The following SSH2 variants were observed in gnomAD, a reference collection of about 807,000 sequenced individuals.
SSH2 encodes the protein protein phosphatase Slingshot homolog 2.
SSH2 carries 37 observed loss-of-function variants against 135.2 expected under a neutral mutation model. The observed-to-expected ratio is 0.27, with a 90% CI of 0.21 to 0.36. The LOEUF (loss-of-function observed/expected upper bound fraction) is 0.36, where lower values mean the gene tolerates loss of function less well. Among genes scored for constraint, SSH2 ranks in the 10% least tolerant of loss-of-function variants. The probability of loss-of-function intolerance (pLI) is 1.00; values close to 1 mark genes in which losing one functional copy is unlikely to be tolerated. For synonymous variants in SSH2, 628 were observed against 646.2 expected (o/e 0.97, Z 0.43); for missense variants, 1,408 against 1,765.3 (o/e 0.80, Z 3.63).
chr17:29,760,735 A>C (rs2041263948), intron 3 of SSH2, among the ~76,000 whole-genome samples: 1 of 151,960 alleles, frequency 6.6e-6, no homozygotes. Flanking sequence ...TTAAAAAAAA[A>C]AAACCCATAA....
chr17:29,653,874 TACTATG>T (rs1365554576), intron 12 of SSH2, among the ~76,000 whole-genome samples: 1 of 152,140 alleles, frequency 6.6e-6, no homozygotes, highest in African/African-American at 2.4e-5. Flanking sequence ...AGGCGTGAGC[TACTATG>T]CCTGGCCAGA....
chr17:29,651,312 TA>T (rs2036569027), intron 12 of SSH2, among the ~76,000 whole-genome samples: 1 of 152,220 alleles, frequency 6.6e-6, no homozygotes, highest in Non-Finnish European at 1.5e-5. Context: ...TTTGTGCAAT[TA>T]CTCTCTCTAA....
intron 1 of SSH2, among the ~76,000 whole-genome samples, chr17:29,853,115 C>T (rs1404749322): frequency 7.0e-6 from 1 of 143,772 alleles, no homozygotes; most frequent in Admixed American, 7.0e-5. Flanking sequence ...TCCAGAGTCT[C>T]ACTCTCTGTT....
chr17:29,764,059 C>T (rs749078112), intron 3 of SSH2, among the ~76,000 whole-genome samples: 38 of 151,638 alleles, frequency 2.5e-4, no homozygotes, highest in Non-Finnish European at 5.0e-4. Context: ...AAGTGATTCT[C>T]GTGCCTCGGC....
chr17:29,752,328 A>T (rs2040970766), intron 3 of SSH2, among the ~76,000 whole-genome samples: 1 of 152,202 alleles, frequency 6.6e-6, no homozygotes, highest in African/African-American at 2.4e-5. Context: ...CTGGCATATG[A>T]ACAGAAAAAC....
At chr17:29,854,967 A>C (rs2065635863) in intron 1 of SSH2, among the ~76,000 whole-genome samples, 1 of 151,776 alleles carries the variant, frequency 6.6e-6, no homozygotes, top group African/African-American at 2.4e-5. Flanking sequence ...AAACAAACAA[A>C]CAACGAATAA....
chr17:29,902,189 TA>T (rs2066570443), intron 1 of SSH2, among the ~76,000 whole-genome samples: 2 of 152,198 alleles, frequency 1.3e-5, no homozygotes, highest in Non-Finnish European at 1.5e-5. Flanking sequence ...ACATGAAACT[TA>T]AAAATTAGTT....
chr17:29,705,336 TATG>T (rs1284963487), intron 3 of SSH2, among the ~76,000 whole-genome samples: 1 of 152,190 alleles, frequency 6.6e-6, no homozygotes, highest in African/African-American at 2.4e-5. Flanking sequence ...AGGGAATAAC[TATG>T]ATAAGTAAGC....
intron 5 of SSH2, among the ~76,000 whole-genome samples, chr17:29,692,990 T>C (rs1432231307): frequency 1.3e-5 from 2 of 152,224 alleles, no homozygotes; most frequent in Admixed American, 1.3e-4. Context: ...TTAGAGGGTC[T>C]TGCACTGTTG....
intron 1 of SSH2, among the ~76,000 whole-genome samples, chr17:29,881,570 T>G (rs1342167935): frequency 6.6e-6 from 1 of 152,052 alleles, no homozygotes; most frequent in South Asian, 2.1e-4. Context: ...GGCACAATCT[T>G]GGCTCACTGC....
chr17:29,743,088 C>T (rs148183398), intron 3 of SSH2, among the ~76,000 whole-genome samples: 70 of 152,148 alleles, frequency 4.6e-4, no homozygotes, highest in Middle Eastern at 3.4e-3. Context: ...TGTCCCACCA[C>T]GCTGAACTAA....
chr17:29,819,729 A>C (rs995212515), intron 2 of SSH2, among the ~76,000 whole-genome samples: 3 of 152,198 alleles, frequency 2.0e-5, no homozygotes, highest in South Asian at 2.1e-4. Flanking sequence ...GATAATTTCC[A>C]ATTTTCCTAT....
intron 3 of SSH2, among the ~76,000 whole-genome samples, chr17:29,764,804 A>G (rs2041406183): frequency 6.6e-6 from 1 of 152,206 alleles, no homozygotes; most frequent in Non-Finnish European, 1.5e-5. Context: ...TTAAGTAGAA[A>G]ATGCTTAAGG....
intron 15 of SSH2, among the ~76,000 whole-genome samples, chr17:29,633,688 T>C (rs2035782076): frequency 6.6e-6 from 1 of 152,182 alleles, no homozygotes; most frequent in Non-Finnish European, 1.5e-5. Flanking sequence ...TTACCAGCTA[T>C]AAATTCCCAG....
chr17:29,667,334 T>C, intron 9 of SSH2, 111 bp from the exon 10 acceptor site: 3 of 850,448 alleles, frequency 3.5e-6, no homozygotes, highest in East Asian at 2.7e-5. Context: ...GCAAATCCTT[T>C]TCCAAAATCG....
chr17:29,648,965 C>T (rs1457419069), intron 13 of SSH2, among the ~76,000 whole-genome samples: 1 of 152,114 alleles, frequency 6.6e-6, no homozygotes. Flanking sequence ...ATGGTGAAAC[C>T]CTGTCTCTAC....
intron 11 of SSH2, among the ~76,000 whole-genome samples, chr17:29,664,420 T>G (rs945979950): frequency 6.6e-6 from 1 of 151,362 alleles, no homozygotes; most frequent in Non-Finnish European, 1.5e-5. Flanking sequence ...TAATAAAAGA[T>G]GATGGTGATT....
chr17:29,760,370 C>A (rs1308211388), intron 3 of SSH2, among the ~76,000 whole-genome samples: 1 of 152,116 alleles, frequency 6.6e-6, no homozygotes, highest in Non-Finnish European at 1.5e-5. Flanking sequence ...ATCTAAGTAA[C>A]CTTAAACCAC....
At chr17:29,719,955 C>T (rs1031736153) in intron 3 of SSH2, among the ~76,000 whole-genome samples, 2 of 152,154 alleles carry the variant, frequency 1.3e-5, no homozygotes, top group Non-Finnish European at 2.9e-5. Flanking sequence ...GATGGGGTTT[C>T]ACCATGTTGG....
Sources: gnomAD v4.1 joint callset for allele counts (sites outside exome capture counted in the v4.1 genomes callset) on GRCh38, gnomAD v4.1.1 for gene constraint, MANE v1.5 for transcripts, NCBI Gene and HGNC (gene_info 2026-07-23, HGNC 2026-07-21) for gene names.